FLRT1: variants seen among roughly 807,000 people sequenced by gnomAD.
The protein encoded by FLRT1 is leucine-rich repeat transmembrane protein FLRT1.
A neutral mutation model predicts 30.9 loss-of-function variants in FLRT1; 14 were observed. The ratio of observed to expected loss-of-function variants is 0.45; its 90% CI spans 0.30 to 0.71. The LOEUF (loss-of-function observed/expected upper bound fraction) is 0.71, where lower values mean the gene tolerates loss of function less well. Ranked by LOEUF, FLRT1 falls within the 30% of genes least tolerant of loss-of-function variation. FLRT1 has a pLI of 0.08. For missense variants in FLRT1, 737 were observed against 949.2 expected (o/e 0.78, Z 2.94); for synonymous variants, 368 against 430.4 (o/e 0.85, Z 1.80).
chr11:64,040,619 A>G (rs1277500977), intron 1 of FLRT1, among the ~76,000 whole-genome samples: 1 of 152,202 alleles, frequency 6.6e-6, no homozygotes, highest in Non-Finnish European at 1.5e-5. Context: ...CTGCGTAGAC[A>G]GGTTGCCCCA....
chr11:64,064,949 G>A lies in FLRT1; in HGVS notation c.-1038+28790G>A, dbSNP rs1943969708. On this transcript the variant is annotated intron_variant, in intron 1 of 2. Coordinates refer to ENST00000682287, the MANE Select transcript of FLRT1 (RefSeq NM_013280.5). This position sits in a 1 kb window ranked among gnomAD's most constrained non-coding sequence, Gnocchi z 4.5. Reference sequence around the variant, plus strand: ...AGGCAGGAGGGCCACCATGGTGACTGAGACAGACTCAGGGTCTTTCCCTAC... The same window carrying A: ...AGGCAGGAGGGCCACCATGGTGACTAAGACAGACTCAGGGTCTTTCCCTAC... Among the ~76,000 whole-genome samples, 1 of 151,278 alleles carries A rather than the reference G, an allele frequency of 6.6e-6. No individual in the cohort carries two copies. The highest frequency in any genetic ancestry group is 1.5e-5 in the Non-Finnish European group (1 of 67,788).
At position 64,066,123 on chromosome 11, in the gene FLRT1, C is replaced by G. The variant is rs551598678; in HGVS notation, c.-1038+29964C>G. Among the ~76,000 whole-genome samples the G allele has an allele frequency of 4.0e-5, 6 of 151,752 alleles. No homozygotes were observed. In the East Asian group the frequency reaches 1.2e-3, roughly 30 times the overall value. On this transcript the variant is annotated intron_variant, in intron 1 of 2. Transcript: ENST00000682287. ...AGCAGCTTGGCCAACATGGTGAAAC[C>G]CTGTCTCTACTAAAAATACAAGAAT...
At position 64,044,410 on chromosome 11, in the gene FLRT1, C is replaced by T. The variant is rs150950566; in HGVS notation, c.-1038+8251C>T. 3.8e-3 allele frequency among the ~76,000 whole-genome samples: 579 copies of T among 152,192 alleles called. 4 individuals carry two copies. The highest frequency in any genetic ancestry group is 0.011 in the African/African-American group (475 of 41,528). On this transcript the variant is annotated intron_variant, in intron 1 of 2. Coordinates refer to ENST00000682287, the MANE Select transcript of FLRT1 (RefSeq NM_013280.5). ...CGGACTACAGGCACGCACCAACACA[C>T]TGGCTAATTTTTTAATTTGGCAGAG... is the stretch of plus-strand genomic sequence containing the variant.
chr11:64,062,051 C>G (rs1238194728), intron 1 of FLRT1, among the ~76,000 whole-genome samples: 1 of 149,578 alleles, frequency 6.7e-6, no homozygotes, highest in Non-Finnish European at 1.5e-5. Context: ...CTGTCCAAAG[C>G]CTCTGCCTGG....
chr11:64,079,723 G>A (rs890115431), intron 1 of FLRT1, among the ~76,000 whole-genome samples: 2 of 152,120 alleles, frequency 1.3e-5, no homozygotes, highest in African/African-American at 4.8e-5. Context: ...GGTTCAGGGA[G>A]AGAGTGGGGC....
intron 1 of FLRT1, among the ~76,000 whole-genome samples, chr11:64,038,698 G>A (rs886766864): frequency 1.3e-5 from 2 of 152,192 alleles, no homozygotes; most frequent in African/African-American, 4.8e-5. Flanking sequence ...GGCCTGTATG[G>A]GACTGTGTGG....
rs1358619169 is a variant in FLRT1 at position 64,082,073 on chromosome 11, A to C, written c.-1037-21121A>C. On this transcript the variant is annotated intron_variant, in intron 1 of 2. Coordinates refer to ENST00000682287, the MANE Select transcript of FLRT1 (RefSeq NM_013280.5). This position sits in a 1 kb window ranked among gnomAD's most constrained non-coding sequence, Gnocchi z 4.5. ...GAGCTGCAGCGTCCTGGGCTGGGGCAGAGGGGCCGTGGCGAGAACAGATGG... is the reference window on the plus strand; with the variant it reads ...GAGCTGCAGCGTCCTGGGCTGGGGCCGAGGGGCCGTGGCGAGAACAGATGG... 2 of 152,202 alleles carry C rather than the reference A, an allele frequency of 1.3e-5. No homozygotes were observed. The highest frequency in any genetic ancestry group is 4.8e-5 in the African/African-American group (2 of 41,416). 9.4% of individuals were successfully genotyped at this position (152,202 alleles called of 1,614,324 possible). A position where few individuals can be genotyped will look rare whatever the true frequency, so the allele number is the denominator to read the frequency against.
chr11:64,045,130 G>A (rs1009850240), intron 1 of FLRT1, among the ~76,000 whole-genome samples: 3 of 152,124 alleles, frequency 2.0e-5, no homozygotes, highest in Non-Finnish European at 2.9e-5. Flanking sequence ...CTTCTGCCTC[G>A]GCCGAGTGCT....
At chr11:64,089,767 G>A (rs1415662999) in intron 1 of FLRT1, among the ~76,000 whole-genome samples, 2 of 152,142 alleles carry the variant, frequency 1.3e-5, no homozygotes, top group Non-Finnish European at 2.9e-5. Flanking sequence ...AGTCCCGTGG[G>A]GGCAGGGCTG....
chr11:64,094,125 C>T (rs989851264), intron 1 of FLRT1, among the ~76,000 whole-genome samples: 4 of 152,098 alleles, frequency 2.6e-5, no homozygotes, highest in Non-Finnish European at 5.9e-5. Flanking sequence ...GGTGAAACCC[C>T]GACTCTATTA....
intron 2 of FLRT1, among the ~76,000 whole-genome samples, chr11:64,106,673 T>C (rs1053265367): frequency 5.9e-5 from 9 of 152,144 alleles, no homozygotes; most frequent in African/African-American, 2.2e-4. Context: ...CTGGTCACAC[T>C]GCTCCTCTCC....
intron 2 of FLRT1, among the ~76,000 whole-genome samples, chr11:64,114,256 GTGGA>G (rs1555025643): frequency 5.8e-5 from 8 of 138,006 alleles, no homozygotes; most frequent in East Asian, 4.9e-4. Flanking sequence ...GGATGGTTAG[GTGGA>G]TGGATGGATG....
Position 64,067,758 on chromosome 11 carries a change from G to A in FLRT1, c.-1038+31599G>A, listed in dbSNP as rs1291889146. Among the ~76,000 whole-genome samples the A allele has an allele frequency of 6.6e-6, 1 of 152,180 alleles. No homozygotes were observed. The highest frequency in any genetic ancestry group is 2.4e-5 in the African/African-American group (1 of 41,438). ...GGCTGCCACCCCCAGCTTGTGAACT[G>A]GGGGTGGCCCCAGAGCTGTTTGTTT... On this transcript the variant is annotated intron_variant, in intron 1 of 2. Coordinates refer to ENST00000682287, the MANE Select transcript of FLRT1 (RefSeq NM_013280.5). The surrounding 1 kb of genome is among the most constrained non-coding windows in gnomAD (Gnocchi z 4.6).
At chr11:64,050,840 A>G (rs1485795862) in intron 1 of FLRT1, among the ~76,000 whole-genome samples, 1 of 152,190 alleles carries the variant, frequency 6.6e-6, no homozygotes, top group Non-Finnish European at 1.5e-5. Context: ...GCTGGTCTCG[A>G]ACTCCTGACC....
At chr11:64,063,882 G>A (rs1245598436) in intron 1 of FLRT1, among the ~76,000 whole-genome samples, 1 of 152,232 alleles carries the variant, frequency 6.6e-6, no homozygotes, top group Non-Finnish European at 1.5e-5. Context: ...CCCCAGAGAG[G>A]GTGGTGGAGG....
intron 1 of FLRT1, chr11:64,081,687 T>C (rs557645710): frequency 6.6e-6 from 1 of 152,290 alleles, no homozygotes; most frequent in African/African-American, 2.4e-5. Flanking sequence ...GCTTGAACCA[T>C]GCAGGTGAGG....
At chr11:64,037,649 G>A (rs1943407770) in intron 1 of FLRT1, among the ~76,000 whole-genome samples, 1 of 151,968 alleles carries the variant, frequency 6.6e-6, no homozygotes, top group African/African-American at 2.4e-5. Context: ...GGCACAGGGT[G>A]TGTGTGTGTG....
At chr11:64,057,897 C>T (rs1943820106) in intron 1 of FLRT1, among the ~76,000 whole-genome samples, 1 of 152,230 alleles carries the variant, frequency 6.6e-6, no homozygotes, top group African/African-American at 2.4e-5. Flanking sequence ...GATTTGAACT[C>T]ATGTGGGTGC....
chr11:64,091,798 GT>G (rs1944495600), intron 1 of FLRT1, among the ~76,000 whole-genome samples: 1 of 152,174 alleles, frequency 6.6e-6, no homozygotes, highest in African/African-American at 2.4e-5. Context: ...CCTCCTGACA[GT>G]GGGCCACTAC....
Sources: allele counts gnomAD v4.1 joint callset (sites outside exome capture counted in the v4.1 genomes callset), GRCh38; gene constraint gnomAD v4.1.1; non-coding constraint Gnocchi (gnomAD v3.1); transcripts MANE v1.5; gene names NCBI Gene and HGNC (gene_info 2026-07-23, HGNC 2026-07-21).